The following LMX1A variants were observed in gnomAD, a reference collection of about 807,000 sequenced individuals.
The protein encoded by LMX1A is LIM homeobox transcription factor 1 alpha, also known as LIM homeobox transcription factor 1-alpha.
LMX1A carries 15 observed loss-of-function variants against 49.1 expected under a neutral mutation model. The observed-to-expected ratio is 0.31, with a 90% CI of 0.20 to 0.47. LMX1A has a LOEUF of 0.47. LMX1A is among the 20% of genes least tolerant of loss of function. The pLI is 1.00. For synonymous variants in LMX1A, 167 were observed against 185.7 expected (o/e 0.90, Z 0.82); for missense variants, 372 against 475.8 (o/e 0.78, Z 2.03).
chr1:165,325,665 G>T (rs1324760965), intron 3 of LMX1A, among the ~76,000 whole-genome samples: 1 of 151,918 alleles, frequency 6.6e-6, no homozygotes, highest in African/African-American at 2.4e-5. Flanking sequence ...ATATCACCGT[G>T]CCTCCCCCCT....
chr1:165,232,389 A>T (rs1652269615), intron 4 of LMX1A, among the ~76,000 whole-genome samples: 1 of 152,230 alleles, frequency 6.6e-6, no homozygotes, highest in African/African-American at 2.4e-5. Context: ...CAGCCTCTTG[A>T]AGGGAAAACC....
At chr1:165,259,126 G>T (rs1653346320) in intron 3 of LMX1A, among the ~76,000 whole-genome samples, 1 of 152,130 alleles carries the variant, frequency 6.6e-6, no homozygotes, top group African/African-American at 2.4e-5. Flanking sequence ...GCCAAAAATA[G>T]AACTTTATAT....
intron 3 of LMX1A, among the ~76,000 whole-genome samples, chr1:165,254,021 A>T (rs1415591565): frequency 6.6e-6 from 1 of 152,078 alleles, no homozygotes; most frequent in Non-Finnish European, 1.5e-5. Context: ...AAACTAATCA[A>T]TGCTTTTCCA....
At chr1:165,280,296 G>A (rs1184812330) in intron 3 of LMX1A, among the ~76,000 whole-genome samples, 1 of 152,114 alleles carries the variant, frequency 6.6e-6, no homozygotes, top group Non-Finnish European at 1.5e-5. Flanking sequence ...CGGACTCAGG[G>A]AGGCTTAGCA....
rs542284707 is a variant in LMX1A at position 165,230,860 on chromosome 1, G to A, written c.497-17047C>T. ...ATTCCAAGTGTCTGTCACAGGTGGC[G>A]AGAGGAGAAAGGCCCCAGCAGTTCC... On this transcript the variant is annotated intron_variant, in intron 4 of 8. Coordinates refer to ENST00000342310, the MANE Select transcript of LMX1A (RefSeq NM_177398.4). 2.0e-4 allele frequency among the ~76,000 whole-genome samples: 30 copies of A among 152,250 alleles called. No individual in the cohort carries two copies. In the South Asian group the frequency reaches 5.6e-3, roughly 28 times the overall value.
At chr1:165,269,876 C>G (rs551163092) in intron 3 of LMX1A, among the ~76,000 whole-genome samples, 5 of 152,150 alleles carry the variant, frequency 3.3e-5, no homozygotes, top group Non-Finnish European at 5.9e-5. Flanking sequence ...GGGAACAACA[C>G]TTACTGGGGC....
rs1355234334 is a variant in LMX1A at position 165,233,966 on chromosome 1, C to T, written c.496+15442G>A. Among the ~76,000 whole-genome samples, 3 of 152,154 alleles carry T rather than the reference C, an allele frequency of 2.0e-5. No individual in the cohort carries two copies. In the East Asian group the frequency reaches 5.8e-4, roughly 29 times the overall value. On this transcript the variant is annotated intron_variant, in intron 4 of 8. Coordinates refer to ENST00000342310, the MANE Select transcript of LMX1A (RefSeq NM_177398.4). Reference sequence around the variant, plus strand: ...TGGAACACTGCAATAGTCTCCTGCCCACTTTCCCTGCCTGCAATGTTACCC... The same window carrying T: ...TGGAACACTGCAATAGTCTCCTGCCTACTTTCCCTGCCTGCAATGTTACCC...
chr1:165,279,085 A>T (rs113018657), intron 3 of LMX1A, among the ~76,000 whole-genome samples: 3,080 of 152,340 alleles, frequency 0.02, 89 homozygotes, highest in African/African-American at 0.071. Flanking sequence ...CACCAGCTGT[A>T]TATCGCCTGT....
At chr1:165,237,935 C>T (rs1308829685) in intron 4 of LMX1A, among the ~76,000 whole-genome samples, 1 of 152,170 alleles carries the variant, frequency 6.6e-6, no homozygotes, top group Non-Finnish European at 1.5e-5. Context: ...GCACCTCCTC[C>T]CCGATCCTTA....
intron 4 of LMX1A, among the ~76,000 whole-genome samples, chr1:165,214,836 A>G (rs1651580455): frequency 6.6e-6 from 1 of 152,230 alleles, no homozygotes; most frequent in Admixed American, 6.5e-5. Flanking sequence ...ACTATTTGAA[A>G]TACTTCAACT....
intron 3 of LMX1A, among the ~76,000 whole-genome samples, chr1:165,340,548 G>A (rs982788432): frequency 6.6e-6 from 1 of 152,162 alleles, no homozygotes; most frequent in Non-Finnish European, 1.5e-5. Context: ...GAATTCTGGT[G>A]TTCCCCCACA....
chr1:165,336,109 A>G (rs1433998440), intron 3 of LMX1A, among the ~76,000 whole-genome samples: 2 of 152,028 alleles, frequency 1.3e-5, no homozygotes, highest in African/African-American at 4.8e-5. Flanking sequence ...GTATGTAAAG[A>G]GATAGTGCCT....
intron 3 of LMX1A, among the ~76,000 whole-genome samples, chr1:165,331,430 A>G (rs1655738874): frequency 6.6e-6 from 1 of 152,246 alleles, no homozygotes; most frequent in African/African-American, 2.4e-5. Flanking sequence ...GCATGTAACT[A>G]AAGAAATCTT....
At chr1:165,262,453 A>T (rs1203387272) in intron 3 of LMX1A, among the ~76,000 whole-genome samples, 1 of 152,222 alleles carries the variant, frequency 6.6e-6, no homozygotes, top group African/African-American at 2.4e-5. Context: ...CCTTCCTTGG[A>T]CTTCCTACTT....
At chr1:165,352,764 G>A (rs372250355) in intron 3 of LMX1A, among the ~76,000 whole-genome samples, 2 of 152,378 alleles carry the variant, frequency 1.3e-5, no homozygotes, top group East Asian at 1.9e-4. Flanking sequence ...GGCTAACAAA[G>A]AGTGGCCTCT....
chr1:165,316,864 G>A (rs1056148110), intron 3 of LMX1A, among the ~76,000 whole-genome samples: 4 of 152,172 alleles, frequency 2.6e-5, no homozygotes, highest in African/African-American at 7.2e-5. Context: ...TCGGGCCCGG[G>A]CAAAGCTGCC....
intron 3 of LMX1A, among the ~76,000 whole-genome samples, chr1:165,288,655 AG>A (rs1351661400): frequency 3.9e-5 from 6 of 152,242 alleles, no homozygotes; most frequent in Non-Finnish European, 8.8e-5. Flanking sequence ...TGTGTTCCCC[AG>A]GGACTGTTCA....
At chr1:165,295,310 A>T (rs1443033498) in intron 3 of LMX1A, among the ~76,000 whole-genome samples, 1 of 151,706 alleles carries the variant, frequency 6.6e-6, no homozygotes, top group African/African-American at 2.4e-5. Flanking sequence ...ATTAACAGTG[A>T]TTATTTATAG....
At chr1:165,290,190 A>C (rs934122699) in intron 3 of LMX1A, among the ~76,000 whole-genome samples, 4 of 152,240 alleles carry the variant, frequency 2.6e-5, no homozygotes, top group African/African-American at 9.6e-5. Flanking sequence ...TCTTATGGTC[A>C]CTGTAACAAA....
Sources: gnomAD v4.1 joint callset for allele counts (sites outside exome capture counted in the v4.1 genomes callset) on GRCh38, gnomAD v4.1.1 for gene constraint, MANE v1.5 for transcripts, NCBI Gene and HGNC (gene_info 2026-07-23, HGNC 2026-07-21) for gene names.